RGS20: variants seen among roughly 807,000 people sequenced by gnomAD.
RGS20 encodes gz-selective GTPase-activating protein.
Under a neutral mutation model 33.6 loss-of-function variants are expected in RGS20, and 30 were observed. That is an observed-to-expected ratio of 0.89 (90% CI 0.67 to 1.21). RGS20 has a LOEUF of 1.21. Ranked by LOEUF, RGS20 falls within the 50% of genes most tolerant of loss-of-function variation. RGS20 has a pLI of 0.00. For missense variants in RGS20, 472 were observed against 502.4 expected (o/e 0.94, Z 0.58); for synonymous variants, 208 against 197.9 (o/e 1.05, Z -0.43).
At chr8:53,948,044 CTA>C (rs1362948790) in intron 4 of RGS20, among the ~76,000 whole-genome samples, 1 of 125,488 alleles carries the variant, frequency 8.0e-6, no homozygotes, top group African/African-American at 3.0e-5. Context: ...AGTATATATG[CTA>C]TATGTAGGAT....
intron 1 of RGS20, among the ~76,000 whole-genome samples, chr8:53,861,548 C>T (rs1383114012): frequency 1.3e-5 from 2 of 152,186 alleles, no homozygotes; most frequent in Non-Finnish European, 1.5e-5. Context: ...ACTGCATTTC[C>T]GAATTCTGTA....
At chr8:53,901,062 CTTTT>C (rs367844788) in intron 2 of RGS20, among the ~76,000 whole-genome samples, 10 of 131,232 alleles carry the variant, frequency 7.6e-5, no homozygotes, top group African/African-American at 2.1e-4. Context: ...ATACTTGTCT[CTTTT>C]TTTTTTTTTT....
chr8:53,877,391 G>A lies in RGS20; in HGVS notation c.166-1867G>A, dbSNP rs1196454246. Among the ~76,000 whole-genome samples the A allele has an allele frequency of 6.6e-6, 1 of 152,160 alleles. No homozygotes were observed. Among genetic ancestry groups the A allele is most frequent in the Non-Finnish European group, 1.5e-5 (1 of 68,014 alleles). On this transcript the variant is annotated intron_variant, in intron 1 of 5. Transcript: ENST00000297313. This position sits in a 1 kb window ranked among gnomAD's most constrained non-coding sequence, Gnocchi z 5.7. ...CGGCCCGCAGTCCCCCGCAGGTGCC[G>A]CCCAGGACTAGCTGCCCGGCGGAGG...
chr8:53,878,939 G>T (rs1032013989), intron 1 of RGS20, among the ~76,000 whole-genome samples: 8 of 152,166 alleles, frequency 5.3e-5, no homozygotes, highest in African/African-American at 1.9e-4. Flanking sequence ...CATTCAGCGC[G>T]CATGGTAGTC....
At chr8:53,929,611 T>C (rs1813898669) in intron 2 of RGS20, among the ~76,000 whole-genome samples, 2 of 152,162 alleles carry the variant, frequency 1.3e-5, no homozygotes, top group Admixed American at 6.6e-5. Context: ...GAGGTTGCAG[T>C]GAGCCAAGAT....
chr8:53,940,926 TA>T (rs1814273092), intron 3 of RGS20, among the ~76,000 whole-genome samples: 1 of 152,100 alleles, frequency 6.6e-6, no homozygotes, highest in South Asian at 2.1e-4. Context: ...AGACTGCATT[TA>T]GGGGCCTATA....
In RGS20 at chr8:53,957,102, A is replaced by G. The variant is rs201124546; in HGVS notation, c.979-1168A>G. Among the ~76,000 whole-genome samples the G allele has an allele frequency of 8.5e-5, 13 of 152,262 alleles. No homozygotes were observed. The East Asian group carries it at 2.5e-3, about 29-fold the overall frequency. ...GAGTTTACCTTGCCTGAGGCCCCACAGCTATACAGTGACAGGGATGGATTT... is the reference window on the plus strand; with the variant it reads ...GAGTTTACCTTGCCTGAGGCCCCACGGCTATACAGTGACAGGGATGGATTT... On this transcript the variant is annotated intron_variant, in intron 5 of 5. Transcript: ENST00000297313.
intron 2 of RGS20, 55 bp from the exon 2 acceptor site, chr8:53,939,521 G>A (rs1043676398): frequency 2.1e-6 from 3 of 1,420,314 alleles, no homozygotes; most frequent in Non-Finnish European, 2.8e-6. Context: ...CTGGGCTTAC[G>A]CCTTCATAAC....
At chr8:53,880,801 C>T (rs1314038370) in intron 2 of RGS20, 71 bp from the exon 1 acceptor site, 14 of 1,320,720 alleles carry the variant, frequency 1.1e-5, no homozygotes, top group Non-Finnish European at 1.3e-5. Context: ...GTGGAGTGCG[C>T]CGCCGCTGGA....
chr8:53,874,406 G>T lies in RGS20; in HGVS notation c.166-4852G>T, dbSNP rs6995122. Reference sequence around the variant, plus strand: ...TGTGTGTGTGTGTGTGTGTGTGCGCGCGCGTGTGCTTGCGTGCATCTGTGT... The same window carrying T: ...TGTGTGTGTGTGTGTGTGTGTGCGCTCGCGTGTGCTTGCGTGCATCTGTGT... On this transcript the variant is annotated intron_variant, in intron 1 of 5. Coordinates refer to ENST00000297313, the MANE Select transcript of RGS20 (RefSeq NM_170587.4). Among the ~76,000 whole-genome samples, 362 of 147,630 alleles carry T rather than the reference G, an allele frequency of 2.5e-3. 2 individuals are homozygous for T. Among genetic ancestry groups the T allele is most frequent in the African/African-American group, 8.1e-3 (319 of 39,498 alleles).
At chr8:53,926,687 G>A (rs1480800735) in intron 2 of RGS20, among the ~76,000 whole-genome samples, 4 of 152,076 alleles carry the variant, frequency 2.6e-5, no homozygotes, top group Admixed American at 6.6e-5. Context: ...TGAAACAGGC[G>A]GATCACTTGA....
Position 53,899,059 on chromosome 8 carries a change from T to C in RGS20, c.510+19457T>C, listed in dbSNP as rs546483192. Among the ~76,000 whole-genome samples the C allele has an allele frequency of 7.2e-5, 11 of 152,340 alleles. No homozygotes were observed. In the South Asian group the frequency reaches 2.3e-3, roughly 32 times the overall value. On this transcript the variant is annotated intron_variant, in intron 2 of 5. Coordinates refer to ENST00000297313, the MANE Select transcript of RGS20 (RefSeq NM_170587.4). ...CTTTATGTTCCCAGCTGTGATGTGT[T>C]AACAGCATTTCCTTCAGAAGTCAGG...
intron 1 of RGS20, among the ~76,000 whole-genome samples, chr8:53,858,208 G>A (rs918469535): frequency 6.6e-6 from 1 of 151,940 alleles, no homozygotes; most frequent in Non-Finnish European, 1.5e-5. Context: ...AGTAAATGGC[G>A]GCTAGATGTG....
At chr8:53,946,488 C>T (rs1200847901) in intron 3 of RGS20, 177 bp from the exon 3 acceptor site, 10 of 702,450 alleles carry the variant, frequency 1.4e-5, no homozygotes, top group Middle Eastern at 3.7e-4. Context: ...ATTTCTAGTA[C>T]CTTATTGTCA....
chr8:53,926,805 T>C (rs1813812858), intron 2 of RGS20, among the ~76,000 whole-genome samples: 1 of 151,730 alleles, frequency 6.6e-6, no homozygotes, highest in Admixed American at 6.6e-5. Context: ...CCAGCTGCTC[T>C]GGGAGGCTGA....
chr8:53,947,008 TTA>T (rs1563428439), intron 4 of RGS20, among the ~76,000 whole-genome samples: 2 of 149,306 alleles, frequency 1.3e-5, no homozygotes, highest in South Asian at 2.1e-4. Context: ...ACAAAACATA[TTA>T]TGTTATTTTA....
At chr8:53,862,338 T>C (rs1330545234) in intron 1 of RGS20, among the ~76,000 whole-genome samples, 2 of 152,180 alleles carry the variant, frequency 1.3e-5, no homozygotes, top group Non-Finnish European at 2.9e-5. Flanking sequence ...AGAATGAACC[T>C]GAGTAGTGTA....
chr8:53,918,398 C>CTTTTTT (rs370307599), intron 2 of RGS20, among the ~76,000 whole-genome samples: 8 of 149,554 alleles, frequency 5.3e-5, no homozygotes, highest in African/African-American at 1.3e-4. Context: ...TTCTTTCTTC[C>CTTTTTT]TTTTTTTGAG....
chr8:53,898,387 T>C (rs1812924979), intron 2 of RGS20, among the ~76,000 whole-genome samples: 1 of 152,196 alleles, frequency 6.6e-6, no homozygotes, highest in South Asian at 2.1e-4. Context: ...TTTGGGAGGC[T>C]GTGTTCCTTC....
Sources: allele counts gnomAD v4.1 joint callset (sites outside exome capture counted in the v4.1 genomes callset), GRCh38; gene constraint gnomAD v4.1.1; non-coding constraint Gnocchi (gnomAD v3.1); transcripts MANE v1.5; gene names NCBI Gene and HGNC (gene_info 2026-07-23, HGNC 2026-07-21).